The following IMPG1 variants were observed in gnomAD, a reference collection of about 807,000 sequenced individuals.
IMPG1 encodes the protein interphotoreceptor matrix proteoglycan of 150 kDa.
A neutral mutation model predicts 92.0 loss-of-function variants in IMPG1; 85 were observed. The observed-to-expected ratio is 0.92, with a 90% CI of 0.78 to 1.11. The LOEUF is 1.11. Among genes scored for constraint, IMPG1 ranks in the 50% least tolerant of loss-of-function variants. The probability of loss-of-function intolerance (pLI) is 0.00; values close to 1 mark genes in which losing one functional copy is unlikely to be tolerated. For synonymous variants in IMPG1, 367 were observed against 334.1 expected, an observed-to-expected ratio of 1.10 and a Z score of -1.08; for missense variants, 1,022 against 956.0, an observed-to-expected ratio of 1.07 and a Z score of -0.91.
chr6:76,035,229 G>A (rs1052872787), intron 2 of IMPG1, among the ~76,000 whole-genome samples: 10 of 151,934 alleles, frequency 6.6e-5, no homozygotes, highest in African/African-American at 1.9e-4. Flanking sequence ...AGGGCCAGGC[G>A]TGGTGGCTAA....
intron 12 of IMPG1, among the ~76,000 whole-genome samples, chr6:75,959,677 C>CT (rs1398617542): frequency 3.9e-5 from 6 of 152,138 alleles, no homozygotes; most frequent in Non-Finnish European, 7.4e-5. Flanking sequence ...GGGAAAACTG[C>CT]CTACTCATGC....
At chr6:76,054,402 A>G (rs1784087369) in intron 1 of IMPG1, among the ~76,000 whole-genome samples, 1 of 152,110 alleles carries the variant, frequency 6.6e-6, no homozygotes, top group Non-Finnish European at 1.5e-5. Context: ...TGTCCCATGG[A>G]ATATTTGGGA....
rs3822956 is a variant in IMPG1, at chr6:75,931,177, C to T, written c.2045-26G>A. 9.1e-3 allele frequency: 14,511 copies of T among 1,588,540 alleles called. 616 individuals carry two copies. The East Asian group carries it at 0.14, about 15-fold the overall frequency. ...CTGTAAGAAATGGGGCAGATTTTAA[C>T]GCATGTATGAATAGCTAAGCAATGG... On this transcript the variant is annotated intron_variant, in intron 14 of 16. Transcript: ENST00000369950.
At chr6:75,969,300 T>A (rs530771202) in intron 12 of IMPG1, among the ~76,000 whole-genome samples, 14 of 151,332 alleles carry the variant, frequency 9.3e-5, no homozygotes, top group African/African-American at 3.4e-4. Flanking sequence ...GAGAGGGGAA[T>A]TTGAATGCCC....
At chr6:76,001,919 T>C (rs907793810) in intron 12 of IMPG1, among the ~76,000 whole-genome samples, 7 of 152,238 alleles carry the variant, frequency 4.6e-5, no homozygotes, top group Non-Finnish European at 1.0e-4. Context: ...TCTGCTATCA[T>C]ACCATATATG....
chr6:75,947,240 T>TG, intron 14 of IMPG1, 74 bp downstream of exon 14: 1 of 1,171,276 alleles, frequency 8.5e-7, no homozygotes, highest in South Asian at 1.3e-5. Context: ...GATTGAAACG[T>TG]GTGCTTAAAA....
intron 14 of IMPG1, among the ~76,000 whole-genome samples, chr6:75,946,445 G>C (rs1781930876): frequency 6.6e-6 from 1 of 152,206 alleles, no homozygotes; most frequent in African/African-American, 2.4e-5. Context: ...CAATTAGGAA[G>C]CTTTGTTTTG....
At chr6:76,045,286 C>A (rs1229030331) in intron 1 of IMPG1, among the ~76,000 whole-genome samples, 1 of 152,084 alleles carries the variant, frequency 6.6e-6, no homozygotes, top group African/African-American at 2.4e-5. Context: ...TTAACAAATT[C>A]CTTCCTTTGG....
At chr6:76,064,061 C>T (rs529521816) in intron 1 of IMPG1, among the ~76,000 whole-genome samples, 31 of 152,152 alleles carry the variant, frequency 2.0e-4, no homozygotes, top group Non-Finnish European at 3.7e-4. Context: ...TCTCCCTACC[C>T]CACCCACTGT....
At chr6:76,060,747 C>A (rs1784191616) in intron 1 of IMPG1, among the ~76,000 whole-genome samples, 1 of 152,140 alleles carries the variant, frequency 6.6e-6, no homozygotes, top group Admixed American at 6.5e-5. Flanking sequence ...CAAGTTCCTT[C>A]CCCACGACTG....
At chr6:75,974,708 G>A (rs994141199) in intron 12 of IMPG1, among the ~76,000 whole-genome samples, 2 of 151,880 alleles carry the variant, frequency 1.3e-5, no homozygotes, top group Non-Finnish European at 2.9e-5. Flanking sequence ...TAGAGATGGG[G>A]TTTCACCATG....
chr6:76,066,093 G>GA (rs1784305409), intron 1 of IMPG1, among the ~76,000 whole-genome samples: 1 of 151,862 alleles, frequency 6.6e-6, no homozygotes, highest in Non-Finnish European at 1.5e-5. Context: ...ATATGGAAAT[G>GA]AAAAAACAAT....
chr6:75,968,310 A>G (rs1282976513), intron 12 of IMPG1, among the ~76,000 whole-genome samples: 1 of 152,228 alleles, frequency 6.6e-6, no homozygotes, highest in African/African-American at 2.4e-5. Context: ...TCTTTTAACA[A>G]TAAATACCTT....
intron 1 of IMPG1, among the ~76,000 whole-genome samples, chr6:76,057,307 T>C (rs1784136494): frequency 6.6e-6 from 1 of 152,024 alleles, no homozygotes; most frequent in African/African-American, 2.4e-5. Flanking sequence ...AAATAAAAGT[T>C]GGAAAAAGAA....
At chr6:75,982,224 C>T (rs558382819) in intron 12 of IMPG1, among the ~76,000 whole-genome samples, 9 of 152,082 alleles carry the variant, frequency 5.9e-5, no homozygotes, top group East Asian at 3.9e-4. Flanking sequence ...GTCATGTGAA[C>T]GTTAAGAAGA....
chr6:76,027,342 C>T (rs1783560369), intron 4 of IMPG1, among the ~76,000 whole-genome samples: 1 of 152,110 alleles, frequency 6.6e-6, no homozygotes, highest in Non-Finnish European at 1.5e-5. Context: ...ACACCCTTAA[C>T]TAAAAAGGCA....
intron 1 of IMPG1, among the ~76,000 whole-genome samples, chr6:76,061,797 G>A (rs1048916083): frequency 6.6e-6 from 1 of 152,158 alleles, no homozygotes; most frequent in African/African-American, 2.4e-5. Context: ...AAGCAGTGAT[G>A]CACATATCAG....
chr6:76,066,995 C>T (rs1784320372), intron 1 of IMPG1, among the ~76,000 whole-genome samples: 1 of 151,730 alleles, frequency 6.6e-6, no homozygotes, highest in Admixed American at 6.6e-5. Context: ...AAAATTGAAA[C>T]TTACGAAAAT....
In IMPG1 at chr6:76,000,287, C is replaced by A. The variant is rs373495015; in HGVS notation, c.1291+2631G>T. 8.8e-4 allele frequency among the ~76,000 whole-genome samples: 134 copies of A among 152,272 alleles called. 1 individual carries two copies. The highest frequency in any genetic ancestry group is 3.0e-3 in the African/African-American group (125 of 41,556). ...AAATTTATTGATGTGAAACTTATAA[C>A]ACATAAAATTAACTATTTTAAGGTA... On this transcript the variant is annotated intron_variant, in intron 12 of 16. Transcript: ENST00000369950.
Sources: allele counts gnomAD v4.1 joint callset (sites outside exome capture counted in the v4.1 genomes callset), GRCh38; gene constraint gnomAD v4.1.1; transcripts MANE v1.5; gene names NCBI Gene and HGNC (gene_info 2026-07-23, HGNC 2026-07-21).